Variants in HEXD observed in about 807,000 individuals in gnomAD.
HEXD encodes the protein hexosaminidase D.
HEXD carries 47 observed loss-of-function variants against 54.2 expected under a neutral mutation model. The ratio of observed to expected loss-of-function variants is 0.87; its 90% CI spans 0.69 to 1.11. HEXD has a LOEUF of 1.11. Among genes scored for constraint, HEXD ranks in the 50% least tolerant of loss-of-function variants. The probability of loss-of-function intolerance (pLI) is 0.00; values close to 1 mark genes in which losing one functional copy is unlikely to be tolerated. For missense variants in HEXD, 576 were observed against 649.2 expected (o/e 0.89, Z 1.23); for synonymous variants, 293 against 287.6 (o/e 1.02, Z -0.19).
At chr17:82,439,849 C>T (rs761894303) in intron 9 of HEXD, 136 bp downstream of exon 9, 2 of 1,550,954 alleles carry the variant, frequency 1.3e-6, no homozygotes, top group South Asian at 2.3e-5. Flanking sequence ...GGTCTCACCG[C>T]CCCAGCTCAG....
In HEXD at chr17:82,434,138, C is replaced by T. The variant is rs576048938; in HGVS notation, c.447+316C>T. On this transcript the variant is annotated intron_variant, in intron 5 of 12. Transcript: ENST00000327949. This position sits in a 1 kb window ranked among gnomAD's most constrained non-coding sequence, Gnocchi z 4.5. ...AGACCACCCCGGGCGGCTGGGCTGG[C>T]GGAAGCCTGTGGGTGATGGGCAGGT... is the stretch of plus-strand genomic sequence containing the variant. Among the ~76,000 whole-genome samples, 8 of 152,326 alleles carry T rather than the reference C, an allele frequency of 5.3e-5. No individual in the cohort carries two copies. Among genetic ancestry groups the T allele is most frequent in the African/African-American group, 1.4e-4 (6 of 41,584 alleles).
At position 82,442,089 on chromosome 17, in the gene HEXD, G is replaced by A. The variant is rs2143657132; in HGVS notation, c.1254-88G>A. 6.7e-7 allele frequency: 1 copy of A among 1,490,272 alleles called. No individual in the cohort carries two copies. The highest frequency in any genetic ancestry group is 9.1e-7 in the Non-Finnish European group (1 of 1,098,934). 92.3% of individuals were successfully genotyped at this position (1,490,272 alleles called of 1,614,324 possible). Reference sequence around the variant, plus strand: ...GGGTCAGTAGCCCCATTTCACAGGTGAACTGAGGCACAGGGCAGTACTGAC... The same window carrying A: ...GGGTCAGTAGCCCCATTTCACAGGTAAACTGAGGCACAGGGCAGTACTGAC... On this transcript the variant is annotated intron_variant, in intron 12 of 12. Coordinates refer to ENST00000327949, the MANE Select transcript of HEXD (RefSeq NM_001330542.2). This position sits in a 1 kb window ranked among gnomAD's most constrained non-coding sequence, Gnocchi z 6.8.
intron 9 of HEXD, chr17:82,440,311 G>GGCCCAGGGACGGGGACGCGGCC: frequency 3.2e-6 from 4 of 1,259,898 alleles, no homozygotes; most frequent in Non-Finnish European, 4.1e-6. Context: ...CAGGCGCGGC[G>GGCCCAGGGACGGGGACGCGGCC]GCCCAGGGAC....
intron 6 of HEXD, 68 bp downstream of exon 6, chr17:82,435,940 G>A: frequency 1.3e-6 from 2 of 1,505,820 alleles, no homozygotes; most frequent in Non-Finnish European, 1.8e-6. Flanking sequence ...TTCAAAGAAA[G>A]AAGGTGCTGT....
chr17:82,418,369 T>TGTC lies in HEXD; in HGVS notation c.-422_-420dup. On this transcript the variant is annotated 5_prime_UTR_variant, in exon 1 of 13. Transcript: ENST00000327949. ...CCCAGTCCCGCCCACTCCATGGCCC[T>TGTC]GTCCGCCGCCGCAGCGCGCGCCCTT... 8.0e-7 allele frequency: 1 copy of TGTC among 1,251,666 alleles called. No individual in the cohort carries two copies. Among genetic ancestry groups the TGTC allele is most frequent in the Non-Finnish European group, 1.1e-6 (1 of 951,460 alleles). 77.5% of individuals were successfully genotyped at this position (1,251,666 alleles called of 1,614,324 possible).
intron 4 of HEXD, among the ~76,000 whole-genome samples, 188 bp from the exon 5 acceptor site, chr17:82,433,470 A>G (rs1030841196): frequency 2.0e-5 from 3 of 152,112 alleles, no homozygotes; most frequent in Non-Finnish European, 4.4e-5. Flanking sequence ...GGCTGGTCTC[A>G]AATTCCTGAG....
intron 4 of HEXD, among the ~76,000 whole-genome samples, chr17:82,432,603 G>T (rs1723603424): frequency 1.3e-5 from 2 of 151,920 alleles, no homozygotes; most frequent in Non-Finnish European, 2.9e-5. Context: ...CAGAGACAGG[G>T]TCTCACTCTG....
At position 82,440,041 on chromosome 17, in the gene HEXD, T is replaced by A. The variant is rs992068975; in HGVS notation, c.982+328T>A. 4.6e-6 allele frequency: 6 copies of A among 1,316,486 alleles called. No homozygotes were observed. In the African/African-American group the frequency reaches 8.9e-5, roughly 20 times the overall value. The allele number at this position is 1,316,486 out of a possible 1,614,324, so 81.6% of individuals were successfully genotyped here. ...TTGCTGCACACACGTCCTGCCCACC[T>A]GGCCGAGCAGGTGTGGGGCTCAGGC... On this transcript the variant is annotated intron_variant, in intron 9 of 12. Transcript: ENST00000327949.
intron 2 of HEXD, among the ~76,000 whole-genome samples, chr17:82,422,185 AAAAG>A (rs920701669): frequency 2.0e-5 from 3 of 151,650 alleles, no homozygotes; most frequent in Admixed American, 1.3e-4. Context: ...AAAAAAAGAA[AAAAG>A]AAGATGATCT....
intron 3 of HEXD, among the ~76,000 whole-genome samples, chr17:82,424,709 A>C (rs1417670887): frequency 6.6e-6 from 1 of 152,262 alleles, no homozygotes. Context: ...ACTGGAGAGA[A>C]TTTTGAAACA....
Position 82,442,188 on chromosome 17 carries a change from A to G in HEXD, c.1265A>G (p.Gln422Arg). ...IQPAALSLLA[Q>R]WSTLVQELEA... Reference sequence around the variant, plus strand: ...GCCCTCACCTGCAGCCTCCTGGCACAGTGGAGCACCCTCGTGCAGGAGCTG... The same window carrying G: ...GCCCTCACCTGCAGCCTCCTGGCACGGTGGAGCACCCTCGTGCAGGAGCTG... The change falls in exon 13 of 13, where the codon CAG (glutamine) becomes CGG (arginine). Residue 422 changes from glutamine (Q) to arginine (R), a missense_variant. Physicochemically the swap from Gln to Arg is conservative, Grantham distance 43 (BLOSUM62 1). Coordinates refer to ENST00000327949, the MANE Select transcript of HEXD (RefSeq NM_001330542.2). This position sits in a 1 kb window ranked among gnomAD's most constrained non-coding sequence, Gnocchi z 6.8. 2.5e-6 allele frequency: 4 copies of G among 1,599,758 alleles called. No homozygotes were observed. Among genetic ancestry groups the G allele is most frequent in the South Asian group, 1.1e-5 (1 of 91,016 alleles).
rs1465795153 is a variant in HEXD at position 82,424,437 on chromosome 17, T to C, written c.128T>C (p.Ile43Thr). Residue 43 changes from isoleucine (I) to threonine (T), a missense_variant, in exon 3 of 13, where the codon ATT becomes ACT. Ile to Thr is a moderately conservative substitution (Grantham distance 89, BLOSUM62 -1). Coordinates refer to ENST00000327949, the MANE Select transcript of HEXD (RefSeq NM_001330542.2). ...GCGCTAGGTGCAAACGGCCTCCTCATTGAGTATGAAGACATGTTTCCCTAC... is the reference window on the plus strand; with the variant it reads ...GCGCTAGGTGCAAACGGCCTCCTCACTGAGTATGAAGACATGTTTCCCTAC... Reference protein sequence around the residue: ...FRALGANGLLIEYEDMFPYEG... With the variant: ...FRALGANGLLTEYEDMFPYEG... 1.2e-6 allele frequency: 2 copies of C among 1,613,858 alleles called. No individual in the cohort carries two copies. The highest frequency in any genetic ancestry group is 1.7e-6 in the Non-Finnish European group (2 of 1,179,920).
At chr17:82,428,762 C>T (rs1599731705) in intron 4 of HEXD, 117 bp downstream of exon 4, 6 of 812,984 alleles carry the variant, frequency 7.4e-6, no homozygotes, top group East Asian at 5.0e-5. Context: ...GTGCAGGCAG[C>T]GCAGCTCAGC....
At chr17:82,421,539 C>T (rs1295244575) in intron 2 of HEXD, among the ~76,000 whole-genome samples, 1 of 152,170 alleles carries the variant, frequency 6.6e-6, no homozygotes, top group Non-Finnish European at 1.5e-5. Context: ...TAAAAATGAG[C>T]AACAGGCTGG....
At chr17:82,421,259 G>A (rs1176737837) in intron 2 of HEXD, among the ~76,000 whole-genome samples, 4 of 151,906 alleles carry the variant, frequency 2.6e-5, no homozygotes, top group Non-Finnish European at 4.4e-5. Flanking sequence ...GAGGCCCAAG[G>A]CTGCAAAACT....
chr17:82,433,804 G>T lies in HEXD; in HGVS notation c.429G>T (p.Leu143=), dbSNP rs773528903. The T allele has an allele frequency of 1.2e-6, 2 of 1,612,726 alleles. No individual in the cohort carries two copies. Among genetic ancestry groups the T allele is most frequent in the South Asian group, 2.2e-5 (2 of 90,944 alleles). The stretch of plus-strand genomic sequence containing the variant: ...AGCTACACCCAGGCGCCCAGCGGCT[G>T]CACATCGGGTGTGATGAGGTGGGTA... ...VLELHPGAQR[L]HIGCDEVYYL... is the part of the protein sequence containing the mutation. Residue 143 remains leucine, a synonymous_variant, in exon 5 of 13, where the codon CTG becomes CTT. Transcript: ENST00000327949.
In HEXD at chr17:82,422,059, G is replaced by A. The variant is rs564836291; in HGVS notation, c.84+2176G>A. Among the ~76,000 whole-genome samples the A allele has an allele frequency of 2.0e-5, 3 of 151,696 alleles. No individual in the cohort carries two copies. The South Asian group carries it at 6.3e-4, about 32-fold the overall frequency. ...GGCGGCGCCTGTAATCCTGCTACTC[G>A]AGAGGCTGAGGCAGGAGAATCACTT... On this transcript the variant is annotated intron_variant, in intron 2 of 12. Transcript: ENST00000327949.
At chr17:82,424,954 GACTACAGA>G in intron 3 of HEXD, among the ~76,000 whole-genome samples, 1 of 151,998 alleles carries the variant, frequency 6.6e-6, no homozygotes, top group East Asian at 1.9e-4. Flanking sequence ...GAGAAGGCTG[GACTACAGA>G]AGGTTAGAGA....
intron 8 of HEXD, among the ~76,000 whole-genome samples, chr17:82,437,827 C>T (rs980959436): frequency 1.3e-5 from 2 of 152,180 alleles, no homozygotes; most frequent in African/African-American, 2.4e-5. Flanking sequence ...GTGGAGCCCT[C>T]GGAAGGCCAG....
Sources: allele counts gnomAD v4.1 joint callset (sites outside exome capture counted in the v4.1 genomes callset), GRCh38; gene constraint gnomAD v4.1.1; non-coding constraint Gnocchi (gnomAD v3.1); transcripts MANE v1.5; gene names NCBI Gene and HGNC (gene_info 2026-07-23, HGNC 2026-07-21).